GNAQ: variants seen among roughly 807,000 people sequenced by gnomAD.
The protein encoded by GNAQ is guanine nucleotide-binding protein G(q) subunit alpha.
GNAQ carries 8 observed loss-of-function variants against 43.9 expected under a neutral mutation model. The ratio of observed to expected loss-of-function variants is 0.18; its 90% confidence interval spans 0.11 to 0.33. The LOEUF is 0.33. Ranked by LOEUF, GNAQ falls within the 10% of genes least tolerant of loss-of-function variation. The pLI, the probability that GNAQ is intolerant of heterozygous loss-of-function variation, is 1.00. For synonymous variants in GNAQ, 155 were observed against 170.7 expected, an observed-to-expected ratio of 0.91 and a Z score of 0.71; for missense variants, 158 against 450.8, an observed-to-expected ratio of 0.35 and a Z score of 5.88.
chr9:77,793,396 C>T (rs752017890), intron 5 of GNAQ, among the ~76,000 whole-genome samples: 4 of 152,032 alleles, frequency 2.6e-5, no homozygotes, highest in East Asian at 1.9e-4. Flanking sequence ...CATTGGTTCA[C>T]GGAAACTTTA....
intron 1 of GNAQ, among the ~76,000 whole-genome samples, chr9:77,982,179 T>C (rs1173680757): frequency 6.6e-6 from 1 of 152,204 alleles, no homozygotes; most frequent in Non-Finnish European, 1.5e-5. Flanking sequence ...TCTATGTGCT[T>C]ATAGAAAGTC....
At chr9:77,743,172 A>C (rs1587893594) in intron 5 of GNAQ, among the ~76,000 whole-genome samples, 1 of 152,100 alleles carries the variant, frequency 6.6e-6, no homozygotes, top group Admixed American at 6.5e-5. Context: ...GCAGGAGAAT[A>C]GCTTGAACCC....
At chr9:78,012,336 C>A (rs1009690974) in intron 1 of GNAQ, among the ~76,000 whole-genome samples, 2 of 150,386 alleles carry the variant, frequency 1.3e-5, no homozygotes, top group Non-Finnish European at 1.5e-5. Flanking sequence ...CTCCCAGGTT[C>A]AAGTGACTCT....
intron 5 of GNAQ, among the ~76,000 whole-genome samples, chr9:77,761,135 C>T (rs77433227): frequency 0.02 from 2,883 of 144,062 alleles, 21 homozygotes; most frequent in Non-Finnish European, 0.031. Context: ...GCCCCCCGCC[C>T]GGCCAGCCGC....
chr9:77,780,484 A>G (rs1826377328), intron 5 of GNAQ, among the ~76,000 whole-genome samples: 1 of 150,734 alleles, frequency 6.6e-6, no homozygotes, highest in Non-Finnish European at 1.5e-5. Context: ...CACTGTGTAC[A>G]TACATACTAC....
At chr9:78,021,045 CTTT>C (rs545575616) in intron 1 of GNAQ, among the ~76,000 whole-genome samples, 48 of 112,184 alleles carry the variant, frequency 4.3e-4, no homozygotes, top group Middle Eastern at 5.3e-3. Context: ...CAGGAAGCTG[CTTT>C]TTTTTTTTTT....
chr9:77,857,870 AG>A (rs1163385557), intron 2 of GNAQ, among the ~76,000 whole-genome samples: 2 of 91,700 alleles, frequency 2.2e-5, no homozygotes, highest in African/African-American at 3.3e-5. Context: ...AAGGCAATAA[AG>A]GTTTTTTTTT....
intron 5 of GNAQ, among the ~76,000 whole-genome samples, chr9:77,779,582 A>C (rs1826356270): frequency 6.6e-6 from 1 of 151,418 alleles, no homozygotes. Context: ...ATGAAATTGA[A>C]AACAGGAAAT....
At chr9:77,844,774 G>T (rs559264807) in intron 2 of GNAQ, among the ~76,000 whole-genome samples, 1 of 152,178 alleles carries the variant, frequency 6.6e-6, no homozygotes, top group East Asian at 1.9e-4. Context: ...CCGGGTTCAA[G>T]TGATTCTCCC....
At chr9:77,946,066 A>G (rs901625496) in intron 1 of GNAQ, among the ~76,000 whole-genome samples, 4 of 152,202 alleles carry the variant, frequency 2.6e-5, no homozygotes, top group Non-Finnish European at 5.9e-5. Flanking sequence ...ACAGAACAAA[A>G]TATTAGATGG....
At chr9:77,783,492 T>G (rs1826428940) in intron 5 of GNAQ, among the ~76,000 whole-genome samples, 1 of 152,242 alleles carries the variant, frequency 6.6e-6, no homozygotes, top group Non-Finnish European at 1.5e-5. Context: ...CTGGCTCTTC[T>G]GTCTCTACAG....
At position 77,972,693 on chromosome 9, in the gene GNAQ, C is replaced by T. The variant is rs149038804; in HGVS notation, c.137-50348G>A. Among the ~76,000 whole-genome samples, 668 of 152,200 alleles carry T rather than the reference C, an allele frequency of 4.4e-3. 4 individuals are homozygous for T. Among genetic ancestry groups the T allele is most frequent in the African/African-American group, 0.015 (614 of 41,522 alleles). ...TACTGGCCAGTTACGGTAGCTCACA[C>T]CTGTAATCACAGCACTTTGGGAGGC... On this transcript the variant is annotated intron_variant, in intron 1 of 6. Coordinates refer to ENST00000286548, the MANE Select transcript of GNAQ (RefSeq NM_002072.5).
intron 1 of GNAQ, among the ~76,000 whole-genome samples, chr9:77,948,614 A>G (rs1822935500): frequency 6.6e-6 from 1 of 152,216 alleles, no homozygotes; most frequent in African/African-American, 2.4e-5. Context: ...AGAGCACAGC[A>G]GAAAGAACGA....
chr9:77,969,177 T>G (rs1227050799), intron 1 of GNAQ, among the ~76,000 whole-genome samples: 2 of 152,188 alleles, frequency 1.3e-5, no homozygotes, highest in African/African-American at 4.8e-5. Flanking sequence ...AGCAGCCCAT[T>G]CAGTCTTATT....
intron 2 of GNAQ, among the ~76,000 whole-genome samples, chr9:77,920,887 G>C (rs1223165415): frequency 6.6e-6 from 1 of 152,182 alleles, no homozygotes; most frequent in African/African-American, 2.4e-5. Flanking sequence ...TTTTATTATA[G>C]AAGCCTTGGG....
chr9:77,889,410 C>CAAAAAAAAAAAAAAAAAAAAAAAAA (rs58496646), intron 2 of GNAQ, among the ~76,000 whole-genome samples: 4 of 48,064 alleles, frequency 8.3e-5, no homozygotes, highest in East Asian at 1.1e-3. Context: ...GACCCTGTCT[C>CAAAAAAAAAAAAAAAAAAAAAAAAA]AAAAAAAAAA....
chr9:77,873,972 G>T (rs1425508356), intron 2 of GNAQ, among the ~76,000 whole-genome samples: 2 of 151,908 alleles, frequency 1.3e-5, no homozygotes. Context: ...AGGCATGGTG[G>T]TGCATGCCTG....
intron 6 of GNAQ, among the ~76,000 whole-genome samples, chr9:77,727,179 C>T (rs979684724): frequency 2.6e-5 from 4 of 151,228 alleles, no homozygotes; most frequent in African/African-American, 9.8e-5. Flanking sequence ...TGACCTCTTG[C>T]CAACTCCTGC....
chr9:77,724,718 CAAAT>C (rs772963245), intron 6 of GNAQ, among the ~76,000 whole-genome samples: 1 of 152,092 alleles, frequency 6.6e-6, no homozygotes, highest in South Asian at 2.1e-4. Context: ...ATTATAAAAA[CAAAT>C]AGACTATCCT....
Sources: allele counts gnomAD v4.1 joint callset (sites outside exome capture counted in the v4.1 genomes callset), GRCh38; gene constraint gnomAD v4.1.1; transcripts MANE v1.5; gene names NCBI Gene and HGNC (gene_info 2026-07-23, HGNC 2026-07-21).